The following TASOR variants were observed in gnomAD, a reference collection of about 807,000 sequenced individuals.
TASOR encodes protein TASOR.
A neutral mutation model predicts 178.6 loss-of-function variants in TASOR; 53 were observed. The ratio of observed to expected loss-of-function variants is 0.30; its 90% CI spans 0.24 to 0.37. The LOEUF is 0.37. Among genes scored for constraint, TASOR ranks in the 10% least tolerant of loss-of-function variants. The probability of loss-of-function intolerance (pLI) is 1.00; values close to 1 mark genes in which losing one functional copy is unlikely to be tolerated. For missense variants in TASOR, 1,815 were observed against 1,971.4 expected, an observed-to-expected ratio of 0.92 and a Z score of 1.50; for synonymous variants, 713 against 696.2, an observed-to-expected ratio of 1.02 and a Z score of -0.38.
rs371461299 is a variant in TASOR, at chr3:56,633,369, G to A, written c.3422C>T (p.Pro1141Leu). 1 of 1,614,028 alleles carries A rather than the reference G, an allele frequency of 6.2e-7. No homozygotes were observed. Among genetic ancestry groups the A allele is most frequent in the African/African-American group, 1.3e-5 (1 of 74,908 alleles). The change falls in exon 18 of 24, where the codon CCT becomes CTT. Residue 1141 changes from proline (P) to leucine (L), a missense_variant. This residue lies in a region of TASOR where 655 missense variants were observed against 671.1 expected (regional missense o/e 0.98). Transcript: ENST00000683822. ...KHLLEPLCSD[P>L]LKDTNSDEQH... ...CTCATCAGAGTTGGTATCTTTCAAA[G>A]GATCACTACACAGTGGCTCAAGGAG...
chr3:56,682,571 CGT>C, intron 1 of TASOR, 103 bp downstream of exon 1: 4 of 1,056,118 alleles, frequency 3.8e-6, no homozygotes, highest in Non-Finnish European at 5.1e-6. Flanking sequence ...GCGCTGCATG[CGT>C]GTTTACGTAT....
At chr3:56,627,357 A>G (rs1390403269) in intron 20 of TASOR, among the ~76,000 whole-genome samples, 3 of 152,264 alleles carry the variant, frequency 2.0e-5, no homozygotes, top group African/African-American at 7.2e-5. Flanking sequence ...GATGACAGTA[A>G]TACAAGAAGT....
intron 1 of TASOR, among the ~76,000 whole-genome samples, chr3:56,676,974 G>C (rs143201991): frequency 2.0e-5 from 3 of 152,174 alleles, no homozygotes; most frequent in African/African-American, 4.8e-5. Context: ...CAGTGGCTTC[G>C]TTAGGCCGGT....
At position 56,620,682 on chromosome 3, in the gene TASOR, G is replaced by GTTA. The variant is rs2107484568; in HGVS notation, c.*2352_*2354dup. ...CAGGGTTACTAAGAGTTTTACATAA[G>GTTA]TTATTTCTTTAGAGTGACGAAGTGT... is the stretch of plus-strand genomic sequence containing the variant. On this transcript the variant is annotated 3_prime_UTR_variant, in exon 24 of 24. Coordinates refer to ENST00000683822, the MANE Select transcript of TASOR (RefSeq NM_001365635.2). The GTTA allele has an allele frequency of 1.3e-5, 2 of 152,300 alleles. No homozygotes were observed. Among genetic ancestry groups the GTTA allele is most frequent in the South Asian group, 2.1e-4 (1 of 4,830 alleles). 9.4% of individuals were successfully genotyped at this position (152,300 alleles called of 1,614,324 possible). A position where few individuals can be genotyped will look rare whatever the true frequency, so the allele number is the denominator to read the frequency against.
chr3:56,673,823 GA>G, intron 1 of TASOR, 98 bp from the exon 2 acceptor site: 9 of 999,454 alleles, frequency 9.0e-6, no homozygotes, highest in African/African-American at 1.7e-5. Context: ...TAAATACCAT[GA>G]AAAAAGGCAT....
At chr3:56,663,940 G>C in intron 7 of TASOR, 2 of 835,478 alleles carry the variant, frequency 2.4e-6, no homozygotes, top group Non-Finnish European at 2.9e-6. Context: ...TACATACTAA[G>C]CTCTTATTTA....
Position 56,671,582 on chromosome 3 carries a change from TAAAATGCG to T in TASOR, c.570+10_570+17del. The T allele has an allele frequency of 6.6e-7, 1 of 1,516,906 alleles. No homozygotes were observed. Among genetic ancestry groups the T allele is most frequent in the South Asian group, 1.3e-5 (1 of 78,668 alleles). The allele number at this position is 1,516,906 out of a possible 1,614,324, so 94.0% of individuals were successfully genotyped here. A position where few individuals can be genotyped will look rare whatever the true frequency, so the allele number is the denominator to read the frequency against. ...GGAAACATCCCCAAATTGTTTTTTA[TAAAATGCG>T]TTAACTCACCTGGTATCGATCAACC... On this transcript the variant is annotated intron_variant, in intron 3 of 23. Coordinates refer to ENST00000683822, the MANE Select transcript of TASOR (RefSeq NM_001365635.2).
intron 2 of TASOR, 24 bp downstream of exon 2, chr3:56,673,556 C>T (rs941350534): frequency 2.7e-6 from 4 of 1,468,556 alleles, no homozygotes; most frequent in East Asian, 2.7e-5. Context: ...AACAATCTTA[C>T]AGTAAGTATA....
intron 1 of TASOR, among the ~76,000 whole-genome samples, chr3:56,678,173 T>TA (rs1310110771): frequency 7.6e-6 from 1 of 132,060 alleles, no homozygotes; most frequent in African/African-American, 3.1e-5. Flanking sequence ...AAAACACACT[T>TA]ATGATTTTTT....
rs1466043815 is a variant in TASOR at position 56,633,258 on chromosome 3, A to T, written c.3533T>A (p.Val1178Glu). Residue 1178 changes from valine to glutamate, a missense_variant, in exon 18 of 24, where the codon GTA becomes GAA. Transcript: ENST00000683822. ...TELMVTSDHI[V>E]PGDMAREPVE... ...TGGTTCCCGGGCCATATCACCAGGT[A>T]CAATATGATCAGAAGTCACCATTAA... is the stretch of plus-strand genomic sequence containing the variant. 1.2e-6 allele frequency: 2 copies of T among 1,614,210 alleles called. No homozygotes were observed. The highest frequency in any genetic ancestry group is 1.1e-5 in the South Asian group (1 of 91,078).
At chr3:56,677,897 A>C (rs1036274138) in intron 1 of TASOR, among the ~76,000 whole-genome samples, 1 of 152,188 alleles carries the variant, frequency 6.6e-6, no homozygotes, top group Non-Finnish European at 1.5e-5. Context: ...TTCACACATT[A>C]AGAAATGTGT....
At chr3:56,655,415 T>C (rs750460775) in intron 11 of TASOR, among the ~76,000 whole-genome samples, 3 of 152,132 alleles carry the variant, frequency 2.0e-5, no homozygotes, top group Non-Finnish European at 4.4e-5. Flanking sequence ...TACATACCTA[T>C]AATAAAGTTT....
At chr3:56,682,479 G>A (rs1471661834) in intron 1 of TASOR, among the ~76,000 whole-genome samples, 197 bp downstream of exon 1, 2 of 151,992 alleles carry the variant, frequency 1.3e-5, no homozygotes, top group African/African-American at 4.8e-5. Flanking sequence ...GGGAGGGGCA[G>A]CAGGGGAGCG....
At chr3:56,681,226 A>G (rs953978727) in intron 1 of TASOR, among the ~76,000 whole-genome samples, 1 of 152,208 alleles carries the variant, frequency 6.6e-6, no homozygotes, top group Non-Finnish European at 1.5e-5. Flanking sequence ...AGCCCATTTG[A>G]ATGTACTTCC....
intron 11 of TASOR, among the ~76,000 whole-genome samples, chr3:56,655,911 G>A (rs996655836): frequency 2.6e-5 from 4 of 152,226 alleles, no homozygotes; most frequent in African/African-American, 9.6e-5. Flanking sequence ...GACGTGAGAT[G>A]ATGAAATGCC....
chr3:56,623,471 C>G lies in TASOR; in HGVS notation c.4579G>C (p.Glu1527Gln). The part of the protein sequence containing the change: ...HIEVCSNFHS[E>Q]IWEKETKGSR... ...CCTTTGGTCTCTTTCTCCCATATTTCTGAATGAAAATTGCTGCATACTTCT... is the reference window on the plus strand; with the variant it reads ...CCTTTGGTCTCTTTCTCCCATATTTGTGAATGAAAATTGCTGCATACTTCT... The change falls in exon 24 of 24, where the codon GAA becomes CAA. Residue 1527 changes from glutamate to glutamine, a missense_variant. Coordinates refer to ENST00000683822, the MANE Select transcript of TASOR (RefSeq NM_001365635.2). The G allele has an allele frequency of 2.5e-6, 4 of 1,613,370 alleles. No individual in the cohort carries two copies. The highest frequency in any genetic ancestry group is 3.4e-6 in the Non-Finnish European group (4 of 1,179,956).
chr3:56,667,303 A>G (rs1386131163), intron 6 of TASOR, among the ~76,000 whole-genome samples: 1 of 152,216 alleles, frequency 6.6e-6, no homozygotes, highest in Non-Finnish European at 1.5e-5. Flanking sequence ...AGGGAAGTTA[A>G]CATTACTACT....
chr3:56,621,448 A>G lies in TASOR; in HGVS notation c.*1589T>C. On this transcript the variant is annotated 3_prime_UTR_variant, in exon 24 of 24. Coordinates refer to ENST00000683822, the MANE Select transcript of TASOR (RefSeq NM_001365635.2). ...TTTTATCCTAAGCGATATGTTTTCC[A>G]AGTGAATATAATTCTAGTTTAACAC... 1 of 941,392 alleles carries G rather than the reference A, an allele frequency of 1.1e-6. No homozygotes were observed. The highest frequency in any genetic ancestry group is 1.6e-6 in the Non-Finnish European group (1 of 638,804). 58.3% of individuals were successfully genotyped at this position (941,392 alleles called of 1,614,324 possible).
intron 1 of TASOR, among the ~76,000 whole-genome samples, chr3:56,677,879 G>A (rs1243203502): frequency 6.6e-6 from 1 of 152,126 alleles, no homozygotes; most frequent in Non-Finnish European, 1.5e-5. Flanking sequence ...AGTAGCAATA[G>A]AAGTTCTTTC....
Sources: allele counts gnomAD v4.1 joint callset (sites outside exome capture counted in the v4.1 genomes callset), GRCh38; gene constraint gnomAD v4.1.1; regional missense constraint gnomAD v4.1.1; transcripts MANE v1.5; gene names NCBI Gene and HGNC (gene_info 2026-07-23, HGNC 2026-07-21).